CACNA1A: variants seen among roughly 807,000 people sequenced by gnomAD.
CACNA1A encodes the protein voltage-dependent P/Q-type calcium channel subunit alpha-1A.
CACNA1A carries 57 observed loss-of-function variants against 262.4 expected under a neutral mutation model. The observed-to-expected ratio is 0.22, with a 90% CI of 0.18 to 0.27. CACNA1A has a LOEUF of 0.27. CACNA1A is among the 10% of genes least tolerant of loss of function. The pLI, the probability that CACNA1A is intolerant of heterozygous loss-of-function variation, is 1.00. For synonymous variants in CACNA1A, 1,431 were observed against 1,419.3 expected, an observed-to-expected ratio of 1.01 and a Z score of -0.18; for missense variants, 2,526 against 3,562.8, an observed-to-expected ratio of 0.71 and a Z score of 7.41.
Position 13,207,995 on chromosome 19 carries a change from C to T in CACNA1A, c.6839G>A (p.Arg2280Gln), listed in dbSNP as rs1392375465. 5.3e-6 allele frequency: 7 copies of T among 1,330,956 alleles called. No homozygotes were observed. The highest frequency in any genetic ancestry group is 2.1e-5 in the South Asian group (1 of 47,886). 82.4% of individuals were successfully genotyped at this position (1,330,956 alleles called of 1,614,324 possible). The change falls in exon 47 of 47, where the codon CGG (arginine) becomes CAG (glutamine). Residue 2280 changes from arginine (R) to glutamine (Q), a missense_variant. Physicochemically the swap from Arg to Gln is conservative, Grantham distance 43. This residue lies in a region of CACNA1A where 929 missense variants were observed against 868.1 expected (regional missense o/e 1.07). Coordinates refer to ENST00000360228, the MANE Select transcript of CACNA1A (RefSeq NM_001127222.2). The surrounding 1 kb of genome is among the most constrained non-coding windows in gnomAD (Gnocchi z 5.7). ...CTGGGGGAGCTGGCGGCGGCCCCGC[C>T]GCGGAGTGCTGGTACCAGATGTTGA... The part of the protein sequence containing the change: ...APSTSGTSTP[R>Q]RGRRQLPQTP...
At chr19:13,379,722 G>C (rs948693383) in intron 3 of CACNA1A, among the ~76,000 whole-genome samples, 2 of 150,996 alleles carry the variant, frequency 1.3e-5, no homozygotes, top group East Asian at 1.9e-4. Flanking sequence ...TCAGGAGTTC[G>C]AGACCAGCCT....
intron 31 of CACNA1A, among the ~76,000 whole-genome samples, chr19:13,237,341 T>C (rs975967683): frequency 1.3e-5 from 2 of 152,082 alleles, no homozygotes; most frequent in African/African-American, 4.8e-5. Context: ...TAGGATTTGC[T>C]ACAGGCCACG....
intron 22 of CACNA1A, 38 bp downstream of exon 22, chr19:13,283,229 C>G: frequency 6.2e-7 from 1 of 1,602,982 alleles, no homozygotes; most frequent in Non-Finnish European, 8.5e-7. Flanking sequence ...TGAGGCAGAG[C>G]AGCCAGGCTA....
At chr19:13,295,434 T>A (rs767864635) in intron 19 of CACNA1A, among the ~76,000 whole-genome samples, 1 of 152,192 alleles carries the variant, frequency 6.6e-6, no homozygotes, top group Non-Finnish European at 1.5e-5. Flanking sequence ...TGAAAAATCT[T>A]GCTTGTAATT....
At chr19:13,413,895 AAAAGAAAGAAAGAAAGAAAG>A (rs57341945) in intron 3 of CACNA1A, among the ~76,000 whole-genome samples, 18,568 of 119,202 alleles carry the variant, frequency 0.16, 1,725 homozygotes, top group Non-Finnish European at 0.21. Flanking sequence ...GAAAGAAAGA[AAAAGAAAGAAAGAAAGAAAG>A]AAAGAAAGAA....
At chr19:13,261,732 G>C in intron 25 of CACNA1A, 122 bp from the exon 26 acceptor site, 1 of 950,428 alleles carries the variant, frequency 1.1e-6, no homozygotes, top group East Asian at 2.6e-5. Flanking sequence ...AAGGTCATAA[G>C]TCAAGTCACT....
chr19:13,294,823 G>A (rs532440871), intron 19 of CACNA1A, among the ~76,000 whole-genome samples: 114 of 152,204 alleles, frequency 7.5e-4, no homozygotes, highest in African/African-American at 2.7e-3. Context: ...ACTATACAGA[G>A]AGTGCTGTGG....
chr19:13,346,835 A>G (rs369568087), intron 6 of CACNA1A, among the ~76,000 whole-genome samples: 1 of 149,162 alleles, frequency 6.7e-6, no homozygotes, highest in South Asian at 2.1e-4. Context: ...GCCTGCCACC[A>G]TGCCCAGCTA....
chr19:13,440,095 G>C (rs1263539131), intron 3 of CACNA1A, among the ~76,000 whole-genome samples: 1 of 152,074 alleles, frequency 6.6e-6, no homozygotes, highest in Non-Finnish European at 1.5e-5. Flanking sequence ...GAGTAGCGGG[G>C]ACTACAAGCC....
chr19:13,435,934 C>T (rs1484129930), intron 3 of CACNA1A, among the ~76,000 whole-genome samples: 2 of 152,202 alleles, frequency 1.3e-5, no homozygotes, highest in Non-Finnish European at 2.9e-5. Context: ...AGGTGATTCT[C>T]ATGCCTCAGC....
At chr19:13,283,472 G>A (rs2057334961) in intron 21 of CACNA1A, 76 bp from the exon 22 acceptor site, 1 of 1,569,576 alleles carries the variant, frequency 6.4e-7, no homozygotes, top group African/African-American at 1.3e-5. Context: ...ATAATCTCAT[G>A]TTACCTACCA....
chr19:13,222,741 C>A (rs1483155470), intron 38 of CACNA1A, among the ~76,000 whole-genome samples: 1 of 150,506 alleles, frequency 6.6e-6, no homozygotes, highest in African/African-American at 2.4e-5. Context: ...GTCATCCAGG[C>A]TGGAGTTCAG....
At chr19:13,497,501 AAAAAAAAAAAAAAAAAAAAAATATATAT>A (rs1568709307) in intron 1 of CACNA1A, among the ~76,000 whole-genome samples, 15 of 33,954 alleles carry the variant, frequency 4.4e-4, no homozygotes, top group African/African-American at 1.8e-3. Flanking sequence ...AAAAAAAAAA[AAAAAAAAAAAAAAAAAAAAAATATATAT>A]ATATATATAT....
At chr19:13,468,071 C>A (rs1359207636) in intron 1 of CACNA1A, among the ~76,000 whole-genome samples, 1 of 151,962 alleles carries the variant, frequency 6.6e-6, no homozygotes, top group Non-Finnish European at 1.5e-5. Flanking sequence ...GAAGAATTAA[C>A]ATGACTCATG....
At chr19:13,325,437 A>C (rs1300070791) in intron 10 of CACNA1A, among the ~76,000 whole-genome samples, 1 of 152,080 alleles carries the variant, frequency 6.6e-6, no homozygotes, top group Non-Finnish European at 1.5e-5. Context: ...CCACCGCACC[A>C]GGCCTGTATT....
chr19:13,211,646 A>G (rs1253707108), intron 43 of CACNA1A: 4 of 192,082 alleles, frequency 2.1e-5, no homozygotes, highest in East Asian at 1.4e-4. Flanking sequence ...GCCCACGTGC[A>G]CACACGTGTG....
At chr19:13,389,671 T>C (rs1457434514) in intron 3 of CACNA1A, among the ~76,000 whole-genome samples, 2 of 152,206 alleles carry the variant, frequency 1.3e-5, no homozygotes, top group African/African-American at 4.8e-5. Context: ...ATAGGCTGAT[T>C]AGCTTTTCAG....
chr19:13,283,347 A>G lies in CACNA1A; in HGVS notation c.3742T>C (p.Cys1248Arg). Residue 1248 changes from cysteine to arginine, a missense_variant, in exon 22 of 47, where the codon TGC (cysteine) becomes CGC (arginine). Transcript: ENST00000360228. ...YILNLRYFEMCILMVIAMSSI... is the reference protein window; with the variant it reads ...YILNLRYFEMRILMVIAMSSI... ...CTCATGGCAATGACCATGAGGATGC[A>G]CATCTCAAAGTAGCGCAGGTTCAGG... is the stretch of plus-strand genomic sequence containing the variant. 6.2e-7 allele frequency: 1 copy of G among 1,613,998 alleles called. No homozygotes were observed. The highest frequency in any genetic ancestry group is 8.5e-7 in the Non-Finnish European group (1 of 1,179,872).
At chr19:13,354,962 T>C (rs10426527) in intron 6 of CACNA1A, among the ~76,000 whole-genome samples, 77,167 of 149,602 alleles carry the variant, frequency 0.52, 21,312 homozygotes, top group East Asian at 0.96. Context: ...GCAACCTCCA[T>C]CTCCCGGGTT....
Sources: gnomAD v4.1 joint callset for allele counts (sites outside exome capture counted in the v4.1 genomes callset) on GRCh38, gnomAD v4.1.1 for gene constraint, gnomAD v4.1.1 regional missense constraint, Gnocchi (gnomAD v3.1) non-coding constraint, MANE v1.5 for transcripts, NCBI Gene and HGNC (gene_info 2026-07-23, HGNC 2026-07-21) for gene names.